The following MTFR1 variants were observed in gnomAD, a reference collection of about 807,000 sequenced individuals.
The protein encoded by MTFR1 is mitochondrial fission regulator 1, also known as chondrocyte protein with a poly-proline region.
MTFR1 carries 28 observed loss-of-function variants against 38.8 expected under a neutral mutation model. That is an observed-to-expected ratio of 0.72 (90% CI 0.53 to 0.99). The LOEUF is 0.99. Ranked by LOEUF, MTFR1 falls within the 50% of genes least tolerant of loss-of-function variation. The pLI, the probability that MTFR1 is intolerant of heterozygous loss-of-function variation, is 0.00. For missense variants in MTFR1, 358 were observed against 395.5 expected (o/e 0.91, Z 0.81); for synonymous variants, 145 against 137.0 (o/e 1.06, Z -0.41).
chr8:65,647,717 G>T (rs1808998695), intron 1 of MTFR1, among the ~76,000 whole-genome samples: 1 of 152,010 alleles, frequency 6.6e-6, no homozygotes, highest in Non-Finnish European at 1.5e-5. Flanking sequence ...ACTGTTCTTT[G>T]AAGTGGTAAT....
chr8:65,689,484 G>T, intron 3 of MTFR1: 1 of 776,752 alleles, frequency 1.3e-6, no homozygotes, highest in Non-Finnish European at 1.8e-6. Flanking sequence ...TGTTATTATT[G>T]AATTTTTGCT....
intron 4 of MTFR1, among the ~76,000 whole-genome samples, chr8:65,703,090 GAA>G (rs869185555): frequency 2.2e-5 from 3 of 134,928 alleles, no homozygotes; most frequent in African/African-American, 2.7e-5. Flanking sequence ...TAAGGTAATG[GAA>G]AAAAAAAAAA....
At chr8:65,684,953 G>A (rs1406685393) in intron 3 of MTFR1, among the ~76,000 whole-genome samples, 10 of 152,090 alleles carry the variant, frequency 6.6e-5, no homozygotes, top group Admixed American at 1.3e-4. Context: ...GCTGTGAGCC[G>A]AGATCGTGCC....
chr8:65,689,330 T>A (rs1228083496), intron 3 of MTFR1, among the ~76,000 whole-genome samples: 4 of 152,226 alleles, frequency 2.6e-5, no homozygotes, highest in African/African-American at 9.6e-5. Flanking sequence ...TATTCTAAGC[T>A]TTTCTACTAT....
At chr8:65,713,653 C>A (rs1806022470), downstream of MTFR1, among the ~76,000 whole-genome samples, 1 of 152,082 alleles carries the variant, frequency 6.6e-6, no homozygotes, top group Admixed American at 6.5e-5. Context: ...ATTTTAGAAT[C>A]AAATTTGAAG....
At chr8:65,663,254 CAT>C (rs1414795093) in intron 1 of MTFR1, among the ~76,000 whole-genome samples, 1 of 152,152 alleles carries the variant, frequency 6.6e-6, no homozygotes, top group Admixed American at 6.6e-5. Flanking sequence ...CTCTCTGAAA[CAT>C]ATGCTGTGTC....
At chr8:65,682,275 C>T (rs940483019) in intron 2 of MTFR1, 78 bp from the exon 3 acceptor site, 3 of 618,002 alleles carry the variant, frequency 4.9e-6, no homozygotes, top group Admixed American at 5.8e-5. Context: ...GTATGTCATA[C>T]AAATAATTGT....
At chr8:65,754,959 C>T (rs1808154254) in intron 3 of MTFR1, among the ~76,000 whole-genome samples, 1 of 150,130 alleles carries the variant, frequency 6.7e-6, no homozygotes, top group Admixed American at 6.6e-5. Flanking sequence ...GCGAGACTCC[C>T]TCAAAAAAAT....
At chr8:65,771,849 T>G (rs1415834596), downstream of MTFR1, among the ~76,000 whole-genome samples, 1 of 124,798 alleles carries the variant, frequency 8.0e-6, no homozygotes, top group Non-Finnish European at 1.6e-5. Flanking sequence ...CACTCCAGCC[T>G]GGGCAACAGA....
At chr8:65,649,792 A>AC (rs368731999) in intron 1 of MTFR1, among the ~76,000 whole-genome samples, 1,481 of 84,938 alleles carry the variant, frequency 0.017, 9 homozygotes, top group African/African-American at 0.036. Flanking sequence ...ATCTCCCCCC[A>AC]CCCCCCCACA....
chr8:65,662,115 C>T (rs1166931379), intron 1 of MTFR1, among the ~76,000 whole-genome samples: 1 of 147,344 alleles, frequency 6.8e-6, no homozygotes, highest in Non-Finnish European at 1.5e-5. Context: ...GTCTCCCTCT[C>T]CCTCTCTTTC....
At chr8:65,703,268 C>T (rs1214441499) in intron 4 of MTFR1, among the ~76,000 whole-genome samples, 1 of 151,696 alleles carries the variant, frequency 6.6e-6, no homozygotes, top group Non-Finnish European at 1.5e-5. Flanking sequence ...CACCTATAGT[C>T]CTAGCTACTC....
intron 2 of MTFR1, among the ~76,000 whole-genome samples, chr8:65,677,068 C>CTTTTTTT (rs1166560010): frequency 8.0e-5 from 8 of 100,108 alleles, no homozygotes; most frequent in South Asian, 6.3e-4. Context: ...CTATTTCTCT[C>CTTTTTTT]TTTTTTTTTT....
chr8:65,666,922 C>T (rs1265641063), intron 1 of MTFR1, among the ~76,000 whole-genome samples: 1 of 152,182 alleles, frequency 6.6e-6, no homozygotes, highest in African/African-American at 2.4e-5. Flanking sequence ...CCCAGATACA[C>T]ATACTGTATA....
chr8:65,667,609 G>A (rs957340079), intron 1 of MTFR1, among the ~76,000 whole-genome samples: 1 of 151,860 alleles, frequency 6.6e-6, no homozygotes, highest in Non-Finnish European at 1.5e-5. Flanking sequence ...TGTATTTTTA[G>A]TAGAGATGGG....
rs568183395 is a variant in MTFR1, at chr8:65,684,879, CT to C, written c.165+2429del. 7.6e-3 allele frequency among the ~76,000 whole-genome samples: 1,161 copies of C among 152,048 alleles called. 6 individuals are homozygous for C. Among genetic ancestry groups the C allele is most frequent in the African/African-American group, 0.025 (1,051 of 41,508 alleles). ...ATTAGCTGGGCATGGTGGCAGGCGCCTGTAATCCCAGCTACTCAGGAGGCTG... is the reference window on the plus strand; with the variant it reads ...ATTAGCTGGGCATGGTGGCAGGCGCCGTAATCCCAGCTACTCAGGAGGCTG... On this transcript the variant is annotated intron_variant, in intron 3 of 7. Coordinates refer to ENST00000262146, the MANE Select transcript of MTFR1 (RefSeq NM_014637.4).
At chr8:65,672,435 A>G (rs947714266) in intron 2 of MTFR1, among the ~76,000 whole-genome samples, 1 of 152,230 alleles carries the variant, frequency 6.6e-6, no homozygotes, top group Admixed American at 6.5e-5. Flanking sequence ...TTGATCTGAT[A>G]TATACAGGCA....
chr8:65,758,354 G>A (rs1202206810), intron 3 of MTFR1, among the ~76,000 whole-genome samples: 2 of 152,162 alleles, frequency 1.3e-5, no homozygotes, highest in African/African-American at 4.8e-5. Flanking sequence ...TGTAGTCCTA[G>A]GACTACTGTA....
chr8:65,734,850 C>T (rs184203450), intron 3 of MTFR1: 11 of 1,612,462 alleles, frequency 6.8e-6, no homozygotes, highest in Admixed American at 6.7e-5. Context: ...GCGTGGACTG[C>T]GTTATGGTAA....
Sources: allele counts gnomAD v4.1 joint callset (sites outside exome capture counted in the v4.1 genomes callset), GRCh38; gene constraint gnomAD v4.1.1; transcripts MANE v1.5; gene names NCBI Gene and HGNC (gene_info 2026-07-23, HGNC 2026-07-21).